Variants in DAB1 observed in about 807,000 individuals in gnomAD.
DAB1 encodes DAB adaptor protein 1.
A neutral mutation model predicts 64.6 loss-of-function variants in DAB1; 15 were observed. That is an observed-to-expected ratio of 0.23 (90% CI 0.16 to 0.36). The LOEUF is 0.36. Ranked by LOEUF, DAB1 falls within the 10% of genes least tolerant of loss-of-function variation. DAB1 has a pLI of 1.00. For missense variants in DAB1, 596 were observed against 706.7 expected (o/e 0.84, Z 1.78); for synonymous variants, 235 against 251.9 (o/e 0.93, Z 0.64).
chr1:57,552,737 A>G (rs1644928685), intron 7 of DAB1, among the ~76,000 whole-genome samples: 1 of 152,168 alleles, frequency 6.6e-6, no homozygotes, highest in African/African-American at 2.4e-5. Flanking sequence ...CAAGTCACAC[A>G]TGGGCCTTCT....
At chr1:58,403,137 T>C (rs1448096719) in intron 3 of DAB1, among the ~76,000 whole-genome samples, 1 of 152,228 alleles carries the variant, frequency 6.6e-6, no homozygotes, top group Non-Finnish European at 1.5e-5. Context: ...AACAAACTTT[T>C]AGAATTCCTG....
At chr1:58,335,977 G>A (rs902550093) in intron 4 of DAB1, among the ~76,000 whole-genome samples, 55 of 152,318 alleles carry the variant, frequency 3.6e-4, no homozygotes, top group African/African-American at 1.3e-3. Context: ...GAAAGTCAAA[G>A]GAGCTGAAGA....
chr1:57,330,095 G>T (rs1676528714), intron 1 of DAB1, among the ~76,000 whole-genome samples: 1 of 152,114 alleles, frequency 6.6e-6, no homozygotes, highest in African/African-American at 2.4e-5. Context: ...GCAGTTCAGT[G>T]ACAGCTAAGG....
intron 3 of DAB1, among the ~76,000 whole-genome samples, chr1:58,453,160 A>G (rs1645156901): frequency 6.6e-6 from 1 of 152,182 alleles, no homozygotes; most frequent in South Asian, 2.1e-4. Flanking sequence ...TTCCATTTAT[A>G]TGACCTTCCG....
At chr1:58,491,343 G>T (rs989260401) in intron 3 of DAB1, among the ~76,000 whole-genome samples, 1 of 152,182 alleles carries the variant, frequency 6.6e-6, no homozygotes, top group African/African-American at 2.4e-5. Context: ...AGGCTAGGAA[G>T]AAACTGCATC....
At chr1:58,057,369 T>C (rs1323361136) in intron 5 of DAB1, among the ~76,000 whole-genome samples, 1 of 152,160 alleles carries the variant, frequency 6.6e-6, no homozygotes, top group Non-Finnish European at 1.5e-5. Flanking sequence ...GAAGCAGGAT[T>C]CTTGCAAATG....
chr1:57,555,225 G>C (rs1011629457), intron 7 of DAB1, among the ~76,000 whole-genome samples: 6 of 151,616 alleles, frequency 4.0e-5, no homozygotes, highest in Non-Finnish European at 8.8e-5. Context: ...AGTAGAGGCT[G>C]GGTTTCACCA....
At chr1:57,977,453 G>A (rs1410192009) in intron 5 of DAB1, among the ~76,000 whole-genome samples, 11 of 152,130 alleles carry the variant, frequency 7.2e-5, no homozygotes, top group Admixed American at 4.6e-4. Context: ...GGTCCTACCC[G>A]CAACATTGTA....
intron 5 of DAB1, among the ~76,000 whole-genome samples, chr1:58,124,673 A>G (rs944125430): frequency 1.3e-5 from 2 of 152,226 alleles, no homozygotes; most frequent in African/African-American, 4.8e-5. Context: ...AGTCTAGCAT[A>G]GCAGTTTAAG....
chr1:57,603,075 C>T (rs910963281), intron 7 of DAB1, among the ~76,000 whole-genome samples: 1 of 152,144 alleles, frequency 6.6e-6, no homozygotes, highest in South Asian at 2.1e-4. Flanking sequence ...TGGGTTCAAG[C>T]GAGTCTCCTG....
chr1:58,443,357 T>C (rs542061644), intron 3 of DAB1, among the ~76,000 whole-genome samples: 2 of 152,212 alleles, frequency 1.3e-5, no homozygotes, highest in Non-Finnish European at 1.5e-5. Context: ...GCTTTAAACA[T>C]AGGAAAAAAT....
At chr1:57,521,729 T>C (rs1387576409) in intron 7 of DAB1, among the ~76,000 whole-genome samples, 1 of 151,984 alleles carries the variant, frequency 6.6e-6, no homozygotes, top group African/African-American at 2.4e-5. Flanking sequence ...GATAGAACAT[T>C]ATCAAATATT....
chr1:57,113,530 T>C (rs1216035894), intron 4 of DAB1, among the ~76,000 whole-genome samples: 1 of 152,242 alleles, frequency 6.6e-6, no homozygotes, highest in African/African-American at 2.4e-5. Flanking sequence ...GCTGCCTTTA[T>C]AGTGCAAAAG....
chr1:58,485,736 A>G (rs1002080995), intron 3 of DAB1, among the ~76,000 whole-genome samples: 1 of 152,084 alleles, frequency 6.6e-6, no homozygotes, highest in African/African-American at 2.4e-5. Context: ...TTCCTACCAT[A>G]TAGCTAGAAT....
At position 58,375,444 on chromosome 1, in the gene DAB1, G is replaced by C. The variant is rs1201586572; in HGVS notation, n.258-32041C>G. On this transcript the variant is annotated intron_variant and non_coding_transcript_variant, in intron 3 of 20. Coordinates refer to the DAB1 transcript ENST00000485760. ...TCTGCATCTATTGAGATAATCATGT[G>C]GTTTTTGTCTTTGGTTCTGTTTATA... Among the ~76,000 whole-genome samples, 7 of 134,812 alleles carry C rather than the reference G, an allele frequency of 5.2e-5. No homozygotes were observed. The East Asian group carries it at 1.2e-3, about 24-fold the overall frequency. 88.4% of individuals were successfully genotyped at this position (134,812 alleles called of 152,430 possible).
chr1:58,179,349 TA>T (rs1656657039), intron 4 of DAB1, among the ~76,000 whole-genome samples: 1 of 152,110 alleles, frequency 6.6e-6, no homozygotes, highest in African/African-American at 2.4e-5. Context: ...ACTGGCCTCA[TA>T]AAAAGAGTTG....
At chr1:57,356,124 T>C (rs1438984135) in intron 1 of DAB1, among the ~76,000 whole-genome samples, 1 of 152,138 alleles carries the variant, frequency 6.6e-6, no homozygotes, top group Non-Finnish European at 1.5e-5. Flanking sequence ...TCCTTGCACC[T>C]AGAGCAGTGT....
chr1:57,588,599 TAAAG>T (rs1377485015), intron 7 of DAB1, among the ~76,000 whole-genome samples: 1 of 152,110 alleles, frequency 6.6e-6, no homozygotes, highest in Non-Finnish European at 1.5e-5. Context: ...ACAGAGCAAA[TAAAG>T]AAAATCATTT....
intron 9 of DAB1, among the ~76,000 whole-genome samples, chr1:57,043,442 G>C (rs1648057070): frequency 1.3e-5 from 2 of 152,130 alleles, no homozygotes; most frequent in South Asian, 4.2e-4. Context: ...TCCCAAAGCT[G>C]TCTGCCTCTC....
Sources: gnomAD v4.1 joint callset for allele counts (sites outside exome capture counted in the v4.1 genomes callset) on GRCh38, gnomAD v4.1.1 for gene constraint, MANE v1.5 for transcripts, NCBI Gene and HGNC (gene_info 2026-07-23, HGNC 2026-07-21) for gene names.